TASP1: variants seen among roughly 807,000 people sequenced by gnomAD.
The protein encoded by TASP1 is taspase 1, also known as threonine aspartase 1.
In TASP1, 16 loss-of-function variants were observed where a neutral mutation model predicts 56.6. The ratio of observed to expected loss-of-function variants is 0.28; its 90% CI spans 0.19 to 0.43. The LOEUF (loss-of-function observed/expected upper bound fraction) is 0.43. Ranked by LOEUF, TASP1 falls within the 20% of genes least tolerant of loss-of-function variation. The probability of loss-of-function intolerance (pLI) is 1.00; values close to 1 mark genes in which losing one functional copy is unlikely to be tolerated. For synonymous variants in TASP1, 179 were observed against 184.2 expected, an observed-to-expected ratio of 0.97 and a Z score of 0.23; for missense variants, 393 against 511.6, an observed-to-expected ratio of 0.77 and a Z score of 2.24.
At chr20:13,267,447 C>T in the TASP1 span, among the ~76,000 whole-genome samples, 14 of 152,186 alleles carry the variant, frequency 9.2e-5, no homozygotes, top group Middle Eastern at 6.3e-3. Flanking sequence ...GTGACCCTAA[C>T]GCGACACTTC....
At chr20:13,228,324 A>G in the TASP1 span, among the ~76,000 whole-genome samples, 1 of 152,076 alleles carries the variant, frequency 6.6e-6, no homozygotes, top group African/African-American at 2.4e-5. Context: ...GCTAGAACAC[A>G]GTTTCAAAAA....
At chr20:13,393,300 T>A in intron 13 of TASP1, 2 of 755,610 alleles carry the variant, frequency 2.6e-6, no homozygotes, top group Admixed American at 3.5e-5. Context: ...CATCCCTGCA[T>A]CTACTGGCAC....
the TASP1 span, chr20:13,279,764 G>A: frequency 5.6e-6 from 9 of 1,614,024 alleles, no homozygotes; most frequent in Non-Finnish European, 7.6e-6. Context: ...TCCTTGGCCA[G>A]GGCAAACAGC....
intron 11 of TASP1, among the ~76,000 whole-genome samples, chr20:13,454,423 T>TA (rs1374739456): frequency 1.3e-5 from 2 of 151,942 alleles, no homozygotes; most frequent in African/African-American, 2.4e-5. Flanking sequence ...CCCAGGGAGG[T>TA]ATCCTAGCAT....
chr20:13,220,145 G>A, the TASP1 span, among the ~76,000 whole-genome samples: 1 of 152,118 alleles, frequency 6.6e-6, no homozygotes, highest in Non-Finnish European at 1.5e-5. Context: ...GGGCTGGGCC[G>A]GCGCTGGGGA....
intron 4 of TASP1, among the ~76,000 whole-genome samples, chr20:13,609,883 G>A (rs1009487316): frequency 6.6e-6 from 1 of 152,074 alleles, no homozygotes; most frequent in Non-Finnish European, 1.5e-5. Flanking sequence ...AATGGATTTG[G>A]AATGAAACAA....
At chr20:13,192,218 A>C in the TASP1 span, among the ~76,000 whole-genome samples, 1 of 152,308 alleles carries the variant, frequency 6.6e-6, no homozygotes, top group African/African-American at 2.4e-5. Flanking sequence ...GAAGGAAAAT[A>C]ACATGGATCT....
At chr20:13,562,093 T>C (rs1458118023) in intron 7 of TASP1, among the ~76,000 whole-genome samples, 1 of 152,170 alleles carries the variant, frequency 6.6e-6, no homozygotes, top group Non-Finnish European at 1.5e-5. Context: ...GTACAATGTA[T>C]CTTCTCCAAC....
At chr20:13,355,839 C>T in the TASP1 span, among the ~76,000 whole-genome samples, 2 of 152,190 alleles carry the variant, frequency 1.3e-5, no homozygotes, top group African/African-American at 4.8e-5. Flanking sequence ...TTTCTGCTCT[C>T]CCAAGCCCCT....
chr20:13,116,148 G>T, the TASP1 span, among the ~76,000 whole-genome samples: 2 of 151,724 alleles, frequency 1.3e-5, no homozygotes, highest in Non-Finnish European at 2.9e-5. Flanking sequence ...ACCAACACCC[G>T]TTGGTCTGGG....
rs1317871760 is a variant in TASP1, at chr20:13,525,704, T to C, written c.874+2729A>G. 2.0e-5 allele frequency among the ~76,000 whole-genome samples: 3 copies of C among 152,166 alleles called. No individual in the cohort carries two copies. In the South Asian group the frequency reaches 6.2e-4, roughly 31 times the overall value. On this transcript the variant is annotated intron_variant, in intron 10 of 13. Transcript: ENST00000337743. ...AGTTGCAAAATTCAGTGCTCCACCT[T>C]TCTTCTGACTTGATCACCCAACTCT...
the TASP1 span, among the ~76,000 whole-genome samples, chr20:13,292,794 G>A: frequency 6.6e-6 from 1 of 152,136 alleles, no homozygotes; most frequent in Non-Finnish European, 1.5e-5. Flanking sequence ...AGCCTTCATT[G>A]AGCGTCCTCA....
the TASP1 span, among the ~76,000 whole-genome samples, chr20:13,145,310 G>A: frequency 2.6e-5 from 4 of 152,040 alleles, no homozygotes; most frequent in African/African-American, 9.7e-5. Context: ...CAAAATCAAT[G>A]TACTAAAATC....
At chr20:13,359,511 G>A in the TASP1 span, among the ~76,000 whole-genome samples, 34 of 151,570 alleles carry the variant, frequency 2.2e-4, no homozygotes, top group African/African-American at 7.5e-4. Context: ...ACAGTGGAAG[G>A]TAAGCCCGTC....
rs544702116 is a variant in TASP1, at chr20:13,463,229, A to AT, written c.985+19997dup. Among the ~76,000 whole-genome samples the AT allele has an allele frequency of 2.2e-3, 341 of 152,210 alleles. 1 individual carries two copies. The highest frequency in any genetic ancestry group is 7.9e-3 in the African/African-American group (329 of 41,540). ...AATAAACACTCATATGTGTTTAATG[A>AT]TTTTTCAAGACGGGTGTCAAGACCA... On this transcript the variant is annotated intron_variant, in intron 11 of 13. Coordinates refer to ENST00000337743, the MANE Select transcript of TASP1 (RefSeq NM_017714.3).
At chr20:13,350,208 A>G in the TASP1 span, among the ~76,000 whole-genome samples, 1 of 142,418 alleles carries the variant, frequency 7.0e-6, no homozygotes, top group African/African-American at 2.9e-5. Flanking sequence ...CTGTATAATA[A>G]AAACTCCAAA....
the TASP1 span, chr20:13,164,370 T>C: frequency 6.3e-6 from 3 of 472,960 alleles, no homozygotes; most frequent in Non-Finnish European, 4.4e-6. Context: ...ATTTGCTGTG[T>C]CATGAAGATA....
chr20:13,523,330 C>T (rs2044838571), intron 10 of TASP1, among the ~76,000 whole-genome samples: 1 of 152,166 alleles, frequency 6.6e-6, no homozygotes, highest in Admixed American at 6.5e-5. Flanking sequence ...TGCCTGCCTT[C>T]CACATACCCT....
At position 13,565,693 on chromosome 20, in the gene TASP1, G is replaced by C. The variant is rs368993027; in HGVS notation, c.568+3814C>G. On this transcript the variant is annotated intron_variant, in intron 7 of 13. Transcript: ENST00000337743. ...ACTATTTTTTAAAAAGTAAAGGAAA[G>C]AACAAGTATTGGTAAGGGTATGGAG... Among the ~76,000 whole-genome samples the C allele has an allele frequency of 3.3e-5, 5 of 152,212 alleles. No homozygotes were observed. In the East Asian group the frequency reaches 7.7e-4, roughly 23 times the overall value.
Sources: allele counts gnomAD v4.1 joint callset (sites outside exome capture counted in the v4.1 genomes callset), GRCh38; gene constraint gnomAD v4.1.1; transcripts MANE v1.5; gene names NCBI Gene and HGNC (gene_info 2026-07-23, HGNC 2026-07-21).